Variants in CTDSPL2 observed in about 807,000 individuals in gnomAD.
CTDSPL2 encodes CTD small phosphatase-like protein 2.
CTDSPL2 carries 5 observed loss-of-function variants against 60.0 expected under a neutral mutation model. The ratio of observed to expected loss-of-function variants is 0.08; its 90% CI spans 0.04 to 0.18. The LOEUF is 0.18. CTDSPL2 is among the 10% of genes least tolerant of loss of function. The pLI, the probability that CTDSPL2 is intolerant of heterozygous loss-of-function variation, is 1.00. For missense variants in CTDSPL2, 370 were observed against 548.8 expected (o/e 0.67, Z 3.26); for synonymous variants, 186 against 189.3 (o/e 0.98, Z 0.14).
chr15:44,515,564 A>T (rs1417414913), intron 10 of CTDSPL2, among the ~76,000 whole-genome samples: 1 of 152,216 alleles, frequency 6.6e-6, no homozygotes, highest in African/African-American at 2.4e-5. Context: ...GAGATGACAC[A>T]AACGGCTCAT....
rs1251595730 is a variant in CTDSPL2, at chr15:44,516,827, A to G, written c.1112+1983A>G. 2.0e-5 allele frequency: 3 copies of G among 149,784 alleles called. 1 individual carries two copies. Among genetic ancestry groups the G allele is most frequent in the Admixed American group, 1.3e-4 (2 of 14,924 alleles). 9.3% of individuals were successfully genotyped at this position (149,784 alleles called of 1,614,324 possible). Reference sequence around the variant, plus strand: ...ATGTATTTTGAGAAATCTGAAACAAAAGCTTGTTTTTTTGTTTGTTTGTTT... The same window carrying G: ...ATGTATTTTGAGAAATCTGAAACAAGAGCTTGTTTTTTTGTTTGTTTGTTT... On this transcript the variant is annotated intron_variant, in intron 10 of 12. Transcript: ENST00000260327.
intron 10 of CTDSPL2, among the ~76,000 whole-genome samples, chr15:44,518,406 A>G (rs1289771107): frequency 6.6e-6 from 1 of 152,198 alleles, no homozygotes; most frequent in Admixed American, 6.5e-5. Flanking sequence ...GTATTTTTCT[A>G]TGTGAGTGAA....
intron 1 of CTDSPL2, among the ~76,000 whole-genome samples, chr15:44,429,579 A>G (rs1421699444): frequency 1.3e-5 from 2 of 152,218 alleles, no homozygotes; most frequent in African/African-American, 4.8e-5. Flanking sequence ...GAAAGAACGT[A>G]TAAGCTGGCT....
chr15:44,523,633 TAAAC>T (rs1042754220), intron 12 of CTDSPL2, among the ~76,000 whole-genome samples: 31 of 152,160 alleles, frequency 2.0e-4, no homozygotes, highest in Middle Eastern at 3.4e-3. Flanking sequence ...CATTTATAAA[TAAAC>T]AAACAAACAA....
At chr15:44,499,558 C>T (rs1487571213) in intron 7 of CTDSPL2, among the ~76,000 whole-genome samples, 169 bp from the exon 8 acceptor site, 1 of 152,138 alleles carries the variant, frequency 6.6e-6, no homozygotes, top group Non-Finnish European at 1.5e-5. Flanking sequence ...GAACTAGTGA[C>T]TTTAGAAACT....
intron 1 of CTDSPL2, among the ~76,000 whole-genome samples, chr15:44,439,549 G>T (rs965287209): frequency 6.6e-6 from 1 of 151,518 alleles, no homozygotes; most frequent in Non-Finnish European, 1.5e-5. Flanking sequence ...TTTTTGGGGG[G>T]GGGGGAATAT....
At chr15:44,429,683 T>C (rs576261232) in intron 1 of CTDSPL2, among the ~76,000 whole-genome samples, 1 of 152,214 alleles carries the variant, frequency 6.6e-6, no homozygotes, top group Non-Finnish European at 1.5e-5. Context: ...CTGGCCAACA[T>C]AGTGAAACTC....
intron 1 of CTDSPL2, among the ~76,000 whole-genome samples, chr15:44,433,335 A>G (rs1466379360): frequency 6.6e-6 from 1 of 151,418 alleles, no homozygotes; most frequent in African/African-American, 2.4e-5. Context: ...TCAAAGAAAA[A>G]AAAAAAAAAA....
chr15:44,435,415 CA>C (rs1407480700), intron 1 of CTDSPL2, among the ~76,000 whole-genome samples: 3 of 151,750 alleles, frequency 2.0e-5, no homozygotes, highest in African/African-American at 4.8e-5. Flanking sequence ...ACCAAAAATA[CA>C]AAAATTAGGC....
intron 10 of CTDSPL2, among the ~76,000 whole-genome samples, chr15:44,515,931 CTCTT>C (rs536236148): frequency 5.6e-4 from 84 of 150,668 alleles, no homozygotes; most frequent in Middle Eastern, 3.5e-3. Flanking sequence ...CTTTCTCTCT[CTCTT>C]TCTTTCTTTC....
rs1303189143 is a variant in CTDSPL2 at position 44,459,167 on chromosome 15, A to G, written c.153A>G (p.Ser51=). ...PSKNETGLLS[S]IKKFIKGSTP... is the part of the protein sequence containing the mutation. ...AGAATGAAACCGGCTTGTTGTCTTC[A>G]ATTAAAAAATTTATTAAAGGAAGCA... is the stretch of plus-strand genomic sequence containing the variant. The change falls in exon 2 of 13, where the codon TCA becomes TCG. Residue 51 remains serine (S), a synonymous_variant. Transcript: ENST00000260327. 1.5e-5 allele frequency: 24 copies of G among 1,607,446 alleles called. No homozygotes were observed. The highest frequency in any genetic ancestry group is 2.0e-5 in the Non-Finnish European group (23 of 1,177,632).
At chr15:44,513,897 A>G (rs1035871578) in intron 8 of CTDSPL2, among the ~76,000 whole-genome samples, 9 of 152,184 alleles carry the variant, frequency 5.9e-5, no homozygotes, top group African/African-American at 2.2e-4. Flanking sequence ...GAAATAAGAA[A>G]ATAATGTATG....
At position 44,450,658 on chromosome 15, in the gene CTDSPL2, G is replaced by A. The variant is rs909959074; in HGVS notation, c.-24-8333G>A. 1.8e-4 allele frequency among the ~76,000 whole-genome samples: 25 copies of A among 136,634 alleles called. 1 individual carries two copies. Among genetic ancestry groups the A allele is most frequent in the Non-Finnish European group, 2.6e-4 (17 of 66,224 alleles). The allele number at this position is 136,634 out of a possible 152,430, so 89.6% of individuals were successfully genotyped here. A position where few individuals can be genotyped will look rare whatever the true frequency, so the allele number is the denominator to read the frequency against. On this transcript the variant is annotated intron_variant, in intron 1 of 12. Transcript: ENST00000260327. Reference sequence around the variant, plus strand: ...GTCACGCAGATTGGAGTATAGCGGTGCAACCTTGGCTCACTGCAACCTCCG... The same window carrying A: ...GTCACGCAGATTGGAGTATAGCGGTACAACCTTGGCTCACTGCAACCTCCG...
intron 1 of CTDSPL2, among the ~76,000 whole-genome samples, chr15:44,429,460 T>C (rs1220074934): frequency 6.6e-6 from 1 of 152,208 alleles, no homozygotes; most frequent in Non-Finnish European, 1.5e-5. Context: ...AAAAATTAGT[T>C]TGCAGCTAGC....
At position 44,527,092 on chromosome 15, in the gene CTDSPL2, C is replaced by T. The variant is rs2081887438; in HGVS notation, c.*2918C>T. On this transcript the variant is annotated 3_prime_UTR_variant, in exon 13 of 13. Coordinates refer to ENST00000260327, the MANE Select transcript of CTDSPL2 (RefSeq NM_016396.3). The stretch of plus-strand genomic sequence containing the variant: ...TAAGAGAATTGATGACAATTCGTAA[C>T]CATAAATTGTTTTATATTAGCTAGT... The T allele has an allele frequency of 1.3e-5, 2 of 152,540 alleles. No homozygotes were observed. The highest frequency in any genetic ancestry group is 2.9e-5 in the Non-Finnish European group (2 of 68,000). 9.4% of individuals were successfully genotyped at this position (152,540 alleles called of 1,614,324 possible).
chr15:44,475,652 A>C (rs1242255229), intron 2 of CTDSPL2, among the ~76,000 whole-genome samples: 2 of 152,110 alleles, frequency 1.3e-5, no homozygotes, highest in Admixed American at 6.5e-5. Flanking sequence ...AAAAAAAAAA[A>C]AAGATTCTTC....
At chr15:44,496,349 G>A (rs773082329) in intron 5 of CTDSPL2, 31 bp from the exon 6 acceptor site, 13 of 1,480,558 alleles carry the variant, frequency 8.8e-6, no homozygotes, top group Admixed American at 5.2e-5. Flanking sequence ...TTAAGTAAAA[G>A]CAACATTTTT....
chr15:44,490,234 C>T (rs1378315594), intron 4 of CTDSPL2, among the ~76,000 whole-genome samples: 1 of 152,070 alleles, frequency 6.6e-6, no homozygotes, highest in Non-Finnish European at 1.5e-5. Flanking sequence ...TCCTTCTGGG[C>T]CCAAGCGATC....
intron 2 of CTDSPL2, among the ~76,000 whole-genome samples, chr15:44,461,770 A>T (rs1243033638): frequency 6.6e-6 from 1 of 152,058 alleles, no homozygotes. Flanking sequence ...AATCATAAGG[A>T]AGAGAAAATA....
Sources: gnomAD v4.1 joint callset for allele counts (sites outside exome capture counted in the v4.1 genomes callset) on GRCh38, gnomAD v4.1.1 for gene constraint, MANE v1.5 for transcripts, NCBI Gene and HGNC (gene_info 2026-07-23, HGNC 2026-07-21) for gene names.